Variants in TMEM132B observed in about 807,000 individuals in gnomAD.
The protein encoded by TMEM132B is transmembrane protein 132B.
In TMEM132B, 18 loss-of-function variants were observed where a neutral mutation model predicts 90.8. The ratio of observed to expected loss-of-function variants is 0.20; its 90% CI spans 0.14 to 0.29. The LOEUF is 0.29. Among genes scored for constraint, TMEM132B ranks in the 10% least tolerant of loss-of-function variants. The pLI is 1.00. For missense variants in TMEM132B, 1,096 were observed against 1,326.8 expected (o/e 0.83, Z 2.70); for synonymous variants, 504 against 523.3 (o/e 0.96, Z 0.50).
intron 5 of TMEM132B, among the ~76,000 whole-genome samples, chr12:125,612,204 G>T (rs190610406): frequency 1.3e-5 from 2 of 152,028 alleles, no homozygotes; most frequent in Non-Finnish European, 2.9e-5. Context: ...GGCCAGGCAC[G>T]GTGGCTCACG....
intron 4 of TMEM132B, among the ~76,000 whole-genome samples, chr12:125,544,838 G>A (rs573447807): frequency 6.6e-6 from 1 of 152,344 alleles, no homozygotes; most frequent in East Asian, 1.9e-4. Context: ...GGATGACTTT[G>A]CAGACATCTT....
At chr12:125,275,354 C>T (rs1874960048) in intron 1 of TMEM132B, among the ~76,000 whole-genome samples, 1 of 152,100 alleles carries the variant, frequency 6.6e-6, no homozygotes, top group Admixed American at 6.6e-5. Flanking sequence ...CAGTGTTTGC[C>T]CTAGCTCATT....
chr12:125,194,274 G>C (rs1235957636), intron 1 of TMEM132B, among the ~76,000 whole-genome samples: 1 of 152,050 alleles, frequency 6.6e-6, no homozygotes, highest in Non-Finnish European at 1.5e-5. Context: ...CCGTTGGTGG[G>C]GGGGTCTTAC....
chr12:125,638,601 G>C (rs2137014068), intron 5 of TMEM132B, among the ~76,000 whole-genome samples: 1 of 151,602 alleles, frequency 6.6e-6, no homozygotes, highest in South Asian at 2.1e-4. Flanking sequence ...TGATTCTGTA[G>C]CATTTTTTTT....
intron 1 of TMEM132B, among the ~76,000 whole-genome samples, chr12:125,229,490 G>C (rs1451141378): frequency 6.6e-6 from 1 of 152,190 alleles, no homozygotes; most frequent in Non-Finnish European, 1.5e-5. Context: ...TTGCCATTAA[G>C]AGAAACCCAC....
intron 2 of TMEM132B, among the ~76,000 whole-genome samples, chr12:125,371,066 A>G (rs1398005413): frequency 6.6e-6 from 1 of 152,160 alleles, no homozygotes; most frequent in Non-Finnish European, 1.5e-5. Flanking sequence ...TCACTGGTGT[A>G]AGTCCAAGAG....
At chr12:125,593,817 T>G (rs762615025) in intron 5 of TMEM132B, among the ~76,000 whole-genome samples, 5 of 152,198 alleles carry the variant, frequency 3.3e-5, no homozygotes, top group Admixed American at 6.5e-5. Flanking sequence ...AATTATAAGA[T>G]GTAGACAACG....
intron 1 of TMEM132B, among the ~76,000 whole-genome samples, chr12:125,299,422 A>G (rs558440572): frequency 1.3e-5 from 2 of 152,130 alleles, no homozygotes; most frequent in Non-Finnish European, 2.9e-5. Context: ...GGAATGATCC[A>G]GGACCTGGTC....
At chr12:125,605,782 A>T (rs1024301457) in intron 5 of TMEM132B, among the ~76,000 whole-genome samples, 2 of 152,196 alleles carry the variant, frequency 1.3e-5, no homozygotes, top group Admixed American at 6.5e-5. Flanking sequence ...GAGAATAAGG[A>T]TGTTGGTTCA....
At chr12:125,640,772 G>T (rs1419230103) in intron 5 of TMEM132B, among the ~76,000 whole-genome samples, 1 of 152,130 alleles carries the variant, frequency 6.6e-6, no homozygotes, top group Non-Finnish European at 1.5e-5. Context: ...CCCACCTCGT[G>T]GCATTACCGT....
chr12:125,387,378 T>G (rs1017753238), intron 2 of TMEM132B, among the ~76,000 whole-genome samples: 2 of 152,194 alleles, frequency 1.3e-5, no homozygotes, highest in Non-Finnish European at 2.9e-5. Context: ...AAAGAATAGT[T>G]GGGTCTCTTA....
chr12:125,515,544 CACAT>C (rs1395135463), intron 3 of TMEM132B, among the ~76,000 whole-genome samples: 5 of 151,706 alleles, frequency 3.3e-5, no homozygotes, highest in Admixed American at 6.6e-5. Flanking sequence ...CACGCTCACA[CACAT>C]TCATTCAGTC....
intron 1 of TMEM132B, among the ~76,000 whole-genome samples, chr12:125,293,983 A>G (rs1244853856): frequency 1.3e-5 from 2 of 152,214 alleles, no homozygotes; most frequent in Non-Finnish European, 2.9e-5. Flanking sequence ...GCTGTGAGGA[A>G]GCCCAAGCCA....
In TMEM132B at chr12:125,567,785, C is replaced by CT. The variant is rs144876549; in HGVS notation, c.1294-16056dup. Among the ~76,000 whole-genome samples the CT allele has an allele frequency of 1.2e-3, 176 of 150,024 alleles. 1 individual carries two copies. Among genetic ancestry groups the CT allele is most frequent in the Middle Eastern group, 3.4e-3 (1 of 290 alleles). On this transcript the variant is annotated intron_variant, in intron 4 of 8. Coordinates refer to ENST00000682704, the MANE Select transcript of TMEM132B (RefSeq NM_001366854.1). ...ATGTAGCTCAAGCTGGATGAGAAGA[C>CT]TTTTTTTTTTCCCCCAGGCAACAAA...
chr12:125,254,496 G>C (rs7963538), intron 1 of TMEM132B, among the ~76,000 whole-genome samples: 1 of 150,942 alleles, frequency 6.6e-6, no homozygotes, highest in Non-Finnish European at 1.5e-5. Flanking sequence ...TTAGTTTTCT[G>C]TCCATTAACC....
chr12:125,659,992 C>A lies in TMEM132B; in HGVS notation c.*5282C>A, dbSNP rs1316789644. The A allele has an allele frequency of 6.6e-6, 1 of 152,364 alleles. No homozygotes were observed. The highest frequency in any genetic ancestry group is 2.4e-5 in the African/African-American group (1 of 41,464). The allele number at this position is 152,364 out of a possible 1,614,324, so 9.4% of individuals were successfully genotyped here. A position where few individuals can be genotyped will look rare whatever the true frequency, so the allele number is the denominator to read the frequency against. The stretch of plus-strand genomic sequence containing the variant: ...ATGGGAGCACTGACACAGAACTCAA[C>A]TGGTCCAGCCCTTTGGGAGGCCCAG... On this transcript the variant is annotated 3_prime_UTR_variant, in exon 9 of 9. Transcript: ENST00000682704.
At chr12:125,652,737 G>A in intron 8 of TMEM132B, 105 bp downstream of exon 8, 9 of 1,333,088 alleles carry the variant, frequency 6.8e-6, no homozygotes, top group Non-Finnish European at 9.1e-6. Flanking sequence ...CCTAGGACTG[G>A]GGATTCTTGA....
At chr12:125,599,427 C>T (rs1281284645) in intron 5 of TMEM132B, among the ~76,000 whole-genome samples, 4 of 152,044 alleles carry the variant, frequency 2.6e-5, no homozygotes, top group African/African-American at 9.7e-5. Context: ...AAAATCTTTC[C>T]AACCATCTTT....
chr12:125,587,206 ATTGTGTGT>A (rs1566081848), intron 5 of TMEM132B: 1 of 33,084 alleles, frequency 3.0e-5, no homozygotes, highest in Admixed American at 4.3e-4. Context: ...CAAGTAGAGG[ATTGTGTGT>A]GTGTGTGTGT....
Sources: allele counts gnomAD v4.1 joint callset (sites outside exome capture counted in the v4.1 genomes callset), GRCh38; gene constraint gnomAD v4.1.1; transcripts MANE v1.5; gene names NCBI Gene and HGNC (gene_info 2026-07-23, HGNC 2026-07-21).